The following ITGA10 variants were observed in gnomAD, a reference collection of about 807,000 sequenced individuals.
ITGA10 encodes the protein integrin subunit alpha 10, also known as integrin alpha-10.
Under a neutral mutation model 145.2 loss-of-function variants are expected in ITGA10, and 105 were observed. That is an observed-to-expected ratio of 0.72 (90% CI 0.62 to 0.85). ITGA10 has a LOEUF of 0.85. ITGA10 is among the 40% of genes least tolerant of loss of function. ITGA10 has a pLI of 0.00. For missense variants in ITGA10, 1,317 were observed against 1,444.5 expected, an observed-to-expected ratio of 0.91 and a Z score of 1.43; for synonymous variants, 506 against 557.8, an observed-to-expected ratio of 0.91 and a Z score of 1.31.
In ITGA10 at chr1:145,907,033, C is replaced by A; in HGVS notation, c.274+8G>T. 1 of 1,528,238 alleles carries A rather than the reference C, an allele frequency of 6.5e-7. No individual in the cohort carries two copies. Among genetic ancestry groups the A allele is most frequent in the African/African-American group, 1.4e-5 (1 of 73,164 alleles). The allele number at this position is 1,528,238 out of a possible 1,614,324, so 94.7% of individuals were successfully genotyped here. A position where few individuals can be genotyped will look rare whatever the true frequency, so the allele number is the denominator to read the frequency against. On this transcript the variant is annotated splice_region_variant and intron_variant, in intron 3 of 29. Transcript: ENST00000369304. ...GGTTAGGAGGAGAAGGGTCAGGCAT[C>A]TTCTCACCTAAGTGGCCCTTGGCAC...
intron 25 of ITGA10, 25 bp from the exon 26 acceptor site, chr1:145,895,736 AC>A (rs1553744786): frequency 6.2e-7 from 1 of 1,606,582 alleles, no homozygotes; most frequent in Non-Finnish European, 8.5e-7. Context: ...AACTTGAAAG[AC>A]CCTCCTGATG....
At position 145,896,022 on chromosome 1, in the gene ITGA10, G is replaced by GC. The variant is rs782270420; in HGVS notation, c.2993dup (p.Asn999GlnfsTer12). The GC allele has an allele frequency of 6.8e-6, 11 of 1,613,922 alleles. No individual in the cohort carries two copies. The highest frequency in any genetic ancestry group is 9.3e-6 in the Non-Finnish European group (11 of 1,179,956). On this transcript the variant is annotated frameshift_variant, in exon 25 of 30. Transcript: ENST00000369304. LOFTEE classifies it high-confidence loss of function. ...CTTGAGACAGTGATAGGAAGTAATT[G>GC]CCCCCATGGGCCACAGCTGGAAGGA...
At chr1:145,895,536 G>C in intron 26 of ITGA10, 95 bp downstream of exon 26, 1 of 1,405,602 alleles carries the variant, frequency 7.1e-7, no homozygotes, top group African/African-American at 1.4e-5. Context: ...GGGGTGGAAA[G>C]ATCCCTTCTT....
At chr1:145,903,637 C>CT (rs1465037960) in intron 7 of ITGA10, among the ~76,000 whole-genome samples, 1 of 151,628 alleles carries the variant, frequency 6.6e-6, no homozygotes, top group African/African-American at 2.4e-5. Context: ...CCTGCCCTAA[C>CT]TCTTCTTCTT....
rs186314944 is a variant in ITGA10, at chr1:145,902,754, C to T, written c.909+57G>A. On this transcript the variant is annotated intron_variant, in intron 8 of 29. Transcript: ENST00000369304. The stretch of plus-strand genomic sequence containing the variant: ...AAGTTCCCAGTCCTTGGACAGTTCA[C>T]AAGACACTGCCCCCCTGCCACTCCC... 3.9e-3 allele frequency: 6,109 copies of T among 1,568,640 alleles called. 17 individuals carry two copies. Among genetic ancestry groups the T allele is most frequent in the Non-Finnish European group, 4.3e-3 (5,008 of 1,158,644 alleles).
In ITGA10 at chr1:145,897,454, C is replaced by T. The variant is rs977571861; in HGVS notation, c.2574+58G>A. The T allele has an allele frequency of 5.0e-6, 8 of 1,605,578 alleles. No homozygotes were observed. The African/African-American group carries it at 8.0e-5, about 16-fold the overall frequency. ...AGGACCTCACAGCTGAGGCCAATACCCCAATCTTCTTCCTCCTCCTTTCTT... is the reference window on the plus strand; with the variant it reads ...AGGACCTCACAGCTGAGGCCAATACTCCAATCTTCTTCCTCCTCCTTTCTT... On this transcript the variant is annotated intron_variant, in intron 20 of 29. Transcript: ENST00000369304.
In ITGA10 at chr1:145,897,492, AC is replaced by A. The variant is rs782416362; in HGVS notation, c.2574+19del. The A allele has an allele frequency of 6.2e-7, 1 of 1,611,478 alleles. No individual in the cohort carries two copies. Among genetic ancestry groups the A allele is most frequent in the East Asian group, 2.2e-5 (1 of 44,804 alleles). On this transcript the variant is annotated intron_variant, in intron 20 of 29. Transcript: ENST00000369304. Reference sequence around the variant, plus strand: ...CTCCTCCTTTCTTTCCTTCTCCCACACCCCCTCCTCCAAAGGCACCTGAGGA... The same window carrying A: ...CTCCTCCTTTCTTTCCTTCTCCCACACCCCTCCTCCAAAGGCACCTGAGGA...
chr1:145,896,933 C>G, intron 22 of ITGA10, 75 bp from the exon 23 acceptor site: 1 of 1,521,078 alleles, frequency 6.6e-7, no homozygotes, highest in Non-Finnish European at 9.1e-7. Flanking sequence ...ATAGAGGAAT[C>G]AATGTTGTTC....
chr1:145,907,141 C>CA lies in ITGA10; in HGVS notation c.173dup (p.Ala60ArgfsTer34). 1 of 1,560,030 alleles carries CA rather than the reference C, an allele frequency of 6.4e-7. No homozygotes were observed. The highest frequency in any genetic ancestry group is 8.7e-7 in the Non-Finnish European group (1 of 1,151,320). ...CTGAAGGCCCATCCCAGGGGGCGCC[C>CA]ACCAGCATCCTGGGAAGAGGATGTG... On this transcript the variant is annotated frameshift_variant, in exon 3 of 30. Coordinates refer to ENST00000369304, the MANE Select transcript of ITGA10 (RefSeq NM_003637.5). LOFTEE classifies it high-confidence loss of function.
Position 145,898,991 on chromosome 1 carries a change from C to A in ITGA10, c.2177G>T (p.Arg726Met). The A allele has an allele frequency of 6.2e-7, 1 of 1,614,226 alleles. No individual in the cohort carries two copies. Among genetic ancestry groups the A allele is most frequent in the South Asian group, 1.1e-5 (1 of 91,078 alleles). ...DGSGQRLSPR[R>M]LRLSVGNVTC... is the part of the protein sequence containing the mutation. ...GACATTCCCCACACTGAGCCGGAGC[C>A]TCCGAGGGGACAACCTCTGGCCAGA... The change falls in exon 17 of 30, where the codon AGG (arginine) becomes ATG (methionine). Residue 726 changes from arginine (R) to methionine (M), a missense_variant. By Grantham distance (91) the Arg-to-Met change is moderately conservative (BLOSUM62 -1). Transcript: ENST00000369304.
At chr1:145,899,982 A>C (rs1478559121) in intron 15 of ITGA10, 75 bp downstream of exon 15, 1 of 1,463,710 alleles carries the variant, frequency 6.8e-7, no homozygotes, top group Admixed American at 2.3e-5. Flanking sequence ...CCAAATCTCC[A>C]TCTGTGACTT....
chr1:145,896,404 C>A, intron 23 of ITGA10, 52 bp from the exon 24 acceptor site: 1 of 1,376,004 alleles, frequency 7.3e-7, no homozygotes, highest in Non-Finnish European at 1.0e-6. Context: ...AACACAGACA[C>A]AGGGGCACAT....
rs1656370075 is a variant in ITGA10 at position 145,901,862 on chromosome 1, C to G, written c.1294+15G>C. 2 of 1,613,876 alleles carry G rather than the reference C, an allele frequency of 1.2e-6. No individual in the cohort carries two copies. The highest frequency in any genetic ancestry group is 3.3e-5 in the Admixed American group (2 of 59,986). On this transcript the variant is annotated intron_variant, in intron 11 of 29. Transcript: ENST00000369304. This position sits in a 1 kb window ranked among gnomAD's most constrained non-coding sequence, Gnocchi z 4.3. Reference sequence around the variant, plus strand: ...CCCCTACCCTGTAAGTCCTCTGCAACTCTCTGCTGCTCACCCAGGTAGGCT... The same window carrying G: ...CCCCTACCCTGTAAGTCCTCTGCAAGTCTCTGCTGCTCACCCAGGTAGGCT...
chr1:145,893,293 A>G lies in ITGA10; in HGVS notation c.3325-19T>C. 1 of 1,544,078 alleles carries G rather than the reference A, an allele frequency of 6.5e-7. No individual in the cohort carries two copies. Among genetic ancestry groups the G allele is most frequent in the Non-Finnish European group, 9.0e-7 (1 of 1,116,214 alleles). ...AGAGGCTCTGCGTGGACAGAAGAGT[A>G]GTTTTCTACATGCATCCTATAACCC... On this transcript the variant is annotated intron_variant, in intron 28 of 29. Coordinates refer to ENST00000369304, the MANE Select transcript of ITGA10 (RefSeq NM_003637.5).
chr1:145,904,139 G>A lies in ITGA10; in HGVS notation c.671C>T (p.Thr224Met), dbSNP rs146565671. ...TGCTGCTCTCACCACTTCTTCCTTCGTTCGGAAATCTCCCAGGGACCACTC... is the reference window on the plus strand; with the variant it reads ...TGCTGCTCTCACCACTTCTTCCTTCATTCGGAAATCTCCCAGGGACCACTC... ...VHEWSLGDFR[T>M]KEEVVRAAKN... is the part of the protein sequence containing the mutation. The change falls in exon 7 of 30, where the codon ACG (threonine) becomes ATG (methionine). Residue 224 changes from threonine to methionine, a missense_variant. Transcript: ENST00000369304. 7.0e-3 allele frequency: 11,272 copies of A among 1,613,958 alleles called. 52 individuals carry two copies. The highest frequency in any genetic ancestry group is 0.017 in the Middle Eastern group (106 of 6,062).
rs200436204 is a variant in ITGA10, at chr1:145,897,297, G to A, written c.2617C>T (p.His873Tyr). 15 of 1,614,160 alleles carry A rather than the reference G, an allele frequency of 9.3e-6. No homozygotes were observed. In the East Asian group the frequency reaches 1.3e-4, roughly 14 times the overall value. Residue 873 changes from histidine (H) to tyrosine (Y), a missense_variant, in exon 21 of 30, where the codon CAT becomes TAT. Physicochemically the swap from His to Tyr is moderately conservative, Grantham distance 83 (BLOSUM62 2). Transcript: ENST00000369304. Reference protein sequence around the residue: ...IKVECAAPSAHARLCSVGHPV... With the variant: ...IKVECAAPSAYARLCSVGHPV... ...TGCCCCACACTGCAGAGCCGGGCAT[G>A]AGCAGAAGGGGCGGCACATTCCACC...
At chr1:145,898,263 T>A in intron 17 of ITGA10, 40 bp from the exon 18 acceptor site, 1 of 1,321,470 alleles carries the variant, frequency 7.6e-7, no homozygotes, top group Non-Finnish European at 1.1e-6. Context: ...GAGTCAAGGA[T>A]CTTGTGATAA....
In ITGA10 at chr1:145,902,931, GC is replaced by G; in HGVS notation, c.788del (p.Gly263AlafsTer27). ...CTEGFSQSHG[G>X]RPEAARLLVV... ...CCAGTAGCCTGGCAGCCTCGGGTCG[GC>G]CCCCATGGGACTGACTGAACCCTTC... is the stretch of plus-strand genomic sequence containing the variant. On this transcript the variant is annotated frameshift_variant, in exon 8 of 30. Coordinates refer to ENST00000369304, the MANE Select transcript of ITGA10 (RefSeq NM_003637.5). LOFTEE classifies it high-confidence loss of function. 2 of 1,611,234 alleles carry G rather than the reference GC, an allele frequency of 1.2e-6. No homozygotes were observed. The highest frequency in any genetic ancestry group is 2.2e-5 in the South Asian group (2 of 90,652).
chr1:145,906,944 C>T (rs782077300), intron 3 of ITGA10, 97 bp downstream of exon 3: 55 of 1,149,254 alleles, frequency 4.8e-5, no homozygotes, highest in Non-Finnish European at 6.1e-5. Flanking sequence ...AGGGAGTATG[C>T]GGATTTTAGG....
Sources: gnomAD v4.1 joint callset for allele counts (sites outside exome capture counted in the v4.1 genomes callset) on GRCh38, gnomAD v4.1.1 for gene constraint, Gnocchi (gnomAD v3.1) non-coding constraint, MANE v1.5 for transcripts, NCBI Gene and HGNC (gene_info 2026-07-23, HGNC 2026-07-21) for gene names.